The following MITF variants were observed in gnomAD, a reference collection of about 807,000 sequenced individuals.
MITF encodes microphthalmia-associated transcription factor.
MITF carries 17 observed loss-of-function variants against 60.5 expected under a neutral mutation model. The ratio of observed to expected loss-of-function variants is 0.28; its 90% CI spans 0.19 to 0.42. The LOEUF is 0.42. Among genes scored for constraint, MITF ranks in the 10% least tolerant of loss-of-function variants. MITF has a pLI of 1.00. For synonymous variants in MITF, 260 were observed against 248.5 expected, an observed-to-expected ratio of 1.05 and a Z score of -0.43; for missense variants, 622 against 683.5, an observed-to-expected ratio of 0.91 and a Z score of 1.00.
At chr3:69,882,231 C>G (rs34110635) in intron 2 of MITF, among the ~76,000 whole-genome samples, 102 of 152,234 alleles carry the variant, frequency 6.7e-4, no homozygotes, top group Admixed American at 6.7e-3. Context: ...GATCGAAAAT[C>G]TGCACCACTC....
At chr3:69,817,912 T>C (rs867713011) in intron 1 of MITF, among the ~76,000 whole-genome samples, 94 of 152,288 alleles carry the variant, frequency 6.2e-4, no homozygotes, top group African/African-American at 2.2e-3. Context: ...CATTGTGTCT[T>C]ACTCTGGGAC....
At chr3:69,920,708 A>G (rs994106070) in intron 2 of MITF, among the ~76,000 whole-genome samples, 4 of 152,134 alleles carry the variant, frequency 2.6e-5, no homozygotes, top group African/African-American at 4.8e-5. Flanking sequence ...TTTGTATCCA[A>G]TAAATAACAG....
intron 1 of MITF, among the ~76,000 whole-genome samples, chr3:69,821,366 G>A (rs184835974): frequency 6.6e-6 from 1 of 152,182 alleles, no homozygotes; most frequent in Admixed American, 6.5e-5. Flanking sequence ...TTTGTGGGTT[G>A]CTGCCCTCCA....
In MITF at chr3:69,764,014, T is replaced by C. The variant is rs547141603; in HGVS notation, c.104+24313T>C. 50 of 1,156,664 alleles carry C rather than the reference T, an allele frequency of 4.3e-5. 1 individual carries two copies. In the Admixed American group the frequency reaches 1.2e-3, roughly 27 times the overall value. The allele number at this position is 1,156,664 out of a possible 1,614,324, so 71.7% of individuals were successfully genotyped here. A position where few individuals can be genotyped will look rare whatever the true frequency, so the allele number is the denominator to read the frequency against. On this transcript the variant is annotated intron_variant, in intron 1 of 9. Transcript: ENST00000352241. ...TAGCATGTTTTTTAAGGGATGTCAA[T>C]CTTTATATCGTATGAAATCTTTGGT...
In MITF at chr3:69,839,077, C is replaced by T. The variant is rs555138283; in HGVS notation, c.105-40057C>T. On this transcript the variant is annotated intron_variant, in intron 1 of 9. Coordinates refer to ENST00000352241, the MANE Select transcript of MITF (RefSeq NM_001354604.2). ...TTATGACATGGAATAATGGTTTCAA[C>T]CTGCACAGTTTTTCATTTTTTTCAT... is the stretch of plus-strand genomic sequence containing the variant. 6.6e-5 allele frequency among the ~76,000 whole-genome samples: 10 copies of T among 152,236 alleles called. No homozygotes were observed. The South Asian group carries it at 2.1e-3, about 32-fold the overall frequency.
chr3:69,956,941 C>T (rs2107531011), intron 8 of MITF, among the ~76,000 whole-genome samples: 1 of 152,250 alleles, frequency 6.6e-6, no homozygotes, highest in Non-Finnish European at 1.5e-5. Flanking sequence ...GATGAACAGA[C>T]ATTAGAGACT....
At chr3:69,771,250 T>G (rs981859253) in intron 1 of MITF, among the ~76,000 whole-genome samples, 10 of 33,462 alleles carry the variant, frequency 3.0e-4, no homozygotes, top group Non-Finnish European at 8.8e-4. Context: ...TAAACATGGG[T>G]TTTTTTTTTT....
At chr3:69,763,639 T>G (rs2062243915) in intron 1 of MITF, 1 of 1,234,062 alleles carries the variant, frequency 8.1e-7, no homozygotes, top group Non-Finnish European at 1.0e-6. Flanking sequence ...ATAATCTCCT[T>G]TCTGAGACGG....
At chr3:69,753,461 A>G (rs1415932886) in intron 1 of MITF, among the ~76,000 whole-genome samples, 1 of 152,244 alleles carries the variant, frequency 6.6e-6, no homozygotes. Flanking sequence ...GGCATTACCT[A>G]GTGGAGCTGT....
At chr3:69,960,368 C>T (rs974406535) in intron 9 of MITF, among the ~76,000 whole-genome samples, 7 of 152,088 alleles carry the variant, frequency 4.6e-5, no homozygotes, top group South Asian at 2.1e-4. Context: ...GCCATTTGTG[C>T]GTCATCCTAC....
At chr3:69,860,016 T>G (rs2063984887) in intron 1 of MITF, among the ~76,000 whole-genome samples, 1 of 152,194 alleles carries the variant, frequency 6.6e-6, no homozygotes, top group South Asian at 2.1e-4. Context: ...ATTTCTCATT[T>G]AAAAATATTA....
intron 1 of MITF, among the ~76,000 whole-genome samples, chr3:69,850,771 G>A (rs1258903636): frequency 1.3e-5 from 2 of 152,164 alleles, no homozygotes; most frequent in Admixed American, 6.5e-5. Flanking sequence ...CACCCAGAAT[G>A]CCAGCTAATG....
At chr3:69,889,009 G>C (rs1248281547) in intron 2 of MITF, among the ~76,000 whole-genome samples, 2 of 123,918 alleles carry the variant, frequency 1.6e-5, no homozygotes, top group African/African-American at 6.1e-5. Context: ...AAGACAGGCT[G>C]TAGTAATAGC....
At chr3:69,858,573 C>T (rs992986438) in intron 1 of MITF, among the ~76,000 whole-genome samples, 1 of 152,118 alleles carries the variant, frequency 6.6e-6, no homozygotes, top group African/African-American at 2.4e-5. Context: ...ATGATTGACA[C>T]ACTGAATCAG....
At chr3:69,893,148 A>G (rs1376738635) in intron 2 of MITF, among the ~76,000 whole-genome samples, 1 of 151,986 alleles carries the variant, frequency 6.6e-6, no homozygotes, top group Non-Finnish European at 1.5e-5. Flanking sequence ...TCACCTTCTT[A>G]CCTCCCTTTC....
chr3:69,952,319 G>A (rs192904732), intron 7 of MITF, among the ~76,000 whole-genome samples: 14 of 152,098 alleles, frequency 9.2e-5, no homozygotes, highest in African/African-American at 3.4e-4. Flanking sequence ...AAATGGATGA[G>A]GCAGCCTCCT....
chr3:69,800,693 G>C (rs1039459284), intron 1 of MITF, among the ~76,000 whole-genome samples: 2 of 151,738 alleles, frequency 1.3e-5, no homozygotes, highest in Non-Finnish European at 2.9e-5. Flanking sequence ...TTATTCTTTT[G>C]TGGTGACTCT....
intron 1 of MITF, among the ~76,000 whole-genome samples, chr3:69,836,904 G>T (rs932027932): frequency 3.3e-5 from 5 of 152,178 alleles, no homozygotes; most frequent in Non-Finnish European, 5.9e-5. Flanking sequence ...AGGCTGACTG[G>T]CCAGGACTGA....
At chr3:69,892,512 G>A (rs1053148539) in intron 2 of MITF, among the ~76,000 whole-genome samples, 2 of 152,164 alleles carry the variant, frequency 1.3e-5, no homozygotes, top group Admixed American at 1.3e-4. Context: ...GGGAAAATGT[G>A]TAATGACATG....
Sources: allele counts gnomAD v4.1 joint callset (sites outside exome capture counted in the v4.1 genomes callset), GRCh38; gene constraint gnomAD v4.1.1; transcripts MANE v1.5; gene names NCBI Gene and HGNC (gene_info 2026-07-23, HGNC 2026-07-21).